The following EXT2 variants were observed in gnomAD, a reference collection of about 807,000 sequenced individuals.
EXT2 encodes exostosin-2.
In EXT2, 53 loss-of-function variants were observed where a neutral mutation model predicts 81.6. The ratio of observed to expected loss-of-function variants is 0.65; its 90% CI spans 0.52 to 0.82. The LOEUF (loss-of-function observed/expected upper bound fraction) is 0.82, where lower values mean the gene tolerates loss of function less well. Among genes scored for constraint, EXT2 ranks in the 40% least tolerant of loss-of-function variants. The pLI, the probability that EXT2 is intolerant of heterozygous loss-of-function variation, is 0.00. For synonymous variants in EXT2, 320 were observed against 340.0 expected (o/e 0.94, Z 0.65); for missense variants, 774 against 910.2 (o/e 0.85, Z 1.93).
rs116601742 is a variant in EXT2 at position 44,246,764 on chromosome 11, A to G, written c.*2477A>G. Among the ~76,000 whole-genome samples the G allele has an allele frequency of 0.026, 3,968 of 152,276 alleles. 131 individuals carry two copies. The highest frequency in any genetic ancestry group is 0.074 in the African/African-American group (3,068 of 41,544). The stretch of plus-strand genomic sequence containing the variant: ...AGGGACTCCACTTTATTGTTCGTGT[A>G]TTTCTGAGCTGCTAACCAGCAAACC... On this transcript the variant is annotated 3_prime_UTR_variant, in exon 14 of 14. Transcript: ENST00000533608.
chr11:44,142,514 A>G (rs1954659533), intron 7 of EXT2, among the ~76,000 whole-genome samples: 1 of 152,226 alleles, frequency 6.6e-6, no homozygotes, highest in African/African-American at 2.4e-5. Context: ...TTGTTCCTTC[A>G]GATTCCAATA....
chr11:44,150,117 A>G, intron 7 of EXT2, among the ~76,000 whole-genome samples: 1 of 152,144 alleles, frequency 6.6e-6, no homozygotes, highest in East Asian at 1.9e-4. Flanking sequence ...GGAGGAGGTT[A>G]AGAGATGGTT....
chr11:44,165,883 G>A (rs1590612575), intron 7 of EXT2, among the ~76,000 whole-genome samples: 1 of 152,156 alleles, frequency 6.6e-6, no homozygotes. Flanking sequence ...CTGGAATGGG[G>A]TAGAAAAAAG....
chr11:44,219,342 A>G (rs1253513350), intron 10 of EXT2, among the ~76,000 whole-genome samples: 5 of 150,674 alleles, frequency 3.3e-5, no homozygotes, highest in African/African-American at 9.9e-5. Context: ...TCTCTACTAA[A>G]AATTAAATTA....
At chr11:44,199,283 G>A (rs1264761093) in intron 9 of EXT2, among the ~76,000 whole-genome samples, 1 of 152,174 alleles carries the variant, frequency 6.6e-6, no homozygotes, top group African/African-American at 2.4e-5. Context: ...AGAAAGGAAG[G>A]AAAAGAGAGA....
At chr11:44,141,365 C>T (rs1004700902) in intron 7 of EXT2, among the ~76,000 whole-genome samples, 1 of 152,056 alleles carries the variant, frequency 6.6e-6, no homozygotes, top group Admixed American at 6.6e-5. Flanking sequence ...TGTGGAACCA[C>T]AGATACAGAA....
intron 13 of EXT2, among the ~76,000 whole-genome samples, chr11:44,239,689 C>CT (rs397849292): frequency 0.012 from 1,057 of 85,250 alleles, 96 homozygotes; most frequent in African/African-American, 0.036. Context: ...CCCTGCCTGG[C>CT]TTTTTTTTTT....
chr11:44,180,785 A>G (rs1000641717), intron 8 of EXT2, among the ~76,000 whole-genome samples: 2 of 152,048 alleles, frequency 1.3e-5, no homozygotes, highest in Non-Finnish European at 2.9e-5. Flanking sequence ...AGGGAGATAC[A>G]TTTTCTGTCA....
intron 10 of EXT2, among the ~76,000 whole-genome samples, chr11:44,224,631 T>C (rs1009480317): frequency 2.0e-5 from 3 of 152,128 alleles, no homozygotes; most frequent in African/African-American, 7.2e-5. Flanking sequence ...CATTAAATAA[T>C]GTTTTGGGAA....
chr11:44,145,612 T>C (rs1309452527), intron 7 of EXT2, among the ~76,000 whole-genome samples: 1 of 152,182 alleles, frequency 6.6e-6, no homozygotes, highest in Non-Finnish European at 1.5e-5. Flanking sequence ...TCATGAAAAC[T>C]TGATGAGGTA....
intron 7 of EXT2, among the ~76,000 whole-genome samples, chr11:44,149,881 C>T (rs1205396361): frequency 6.6e-6 from 1 of 152,116 alleles, no homozygotes; most frequent in African/African-American, 2.4e-5. Context: ...GTTTTTCTAA[C>T]CTTTGAGTGA....
At chr11:44,114,435 T>C in intron 4 of EXT2, 134 bp downstream of exon 4, 2 of 798,570 alleles carry the variant, frequency 2.5e-6, no homozygotes, top group Admixed American at 3.4e-5. Context: ...GAGGCACCCA[T>C]CTTTCCCACC....
chr11:44,242,501 A>G (rs572445660), intron 13 of EXT2, among the ~76,000 whole-genome samples: 1 of 152,318 alleles, frequency 6.6e-6, no homozygotes, highest in African/African-American at 2.4e-5. Context: ...AGCAGGCTCT[A>G]TTGCCAGCTC....
At chr11:44,211,895 C>A (rs1019716419) in intron 10 of EXT2, among the ~76,000 whole-genome samples, 5 of 152,012 alleles carry the variant, frequency 3.3e-5, no homozygotes, top group Admixed American at 6.6e-5. Flanking sequence ...TATTACTTGT[C>A]AATAAGAATA....
intron 7 of EXT2, among the ~76,000 whole-genome samples, chr11:44,151,153 T>A (rs1212537642): frequency 6.6e-6 from 1 of 152,154 alleles, no homozygotes; most frequent in African/African-American, 2.4e-5. Flanking sequence ...ATATCCCCCA[T>A]CCTCATAGTT....
At chr11:44,179,891 AT>A (rs1170051397) in intron 8 of EXT2, among the ~76,000 whole-genome samples, 1 of 151,320 alleles carries the variant, frequency 6.6e-6, no homozygotes, top group Non-Finnish European at 1.5e-5. Context: ...CAATTGATTA[AT>A]TTTTTATGTG....
At chr11:44,233,205 T>C (rs1955919798) in intron 11 of EXT2, among the ~76,000 whole-genome samples, 1 of 152,126 alleles carries the variant, frequency 6.6e-6, no homozygotes, top group African/African-American at 2.4e-5. Context: ...TATGTATACG[T>C]GTGTGTGTGT....
At chr11:44,184,801 A>G (rs2066185989) in intron 8 of EXT2, among the ~76,000 whole-genome samples, 2 of 152,306 alleles carry the variant, frequency 1.3e-5, no homozygotes, top group South Asian at 4.1e-4. Flanking sequence ...GAAGCATTTG[A>G]TTATTAGACA....
intron 13 of EXT2, among the ~76,000 whole-genome samples, chr11:44,239,548 G>A (rs779665681): frequency 5.9e-5 from 9 of 151,486 alleles, no homozygotes; most frequent in South Asian, 2.1e-4. Context: ...ACGTGGCACC[G>A]TGCCCGGCTA....
Sources: gnomAD v4.1 joint callset for allele counts (sites outside exome capture counted in the v4.1 genomes callset) on GRCh38, gnomAD v4.1.1 for gene constraint, MANE v1.5 for transcripts, NCBI Gene and HGNC (gene_info 2026-07-23, HGNC 2026-07-21) for gene names.